The following C1orf21 variants were observed in gnomAD, a reference collection of about 807,000 sequenced individuals.
C1orf21 encodes uncharacterized protein C1orf21.
Under a neutral mutation model 18.7 loss-of-function variants are expected in C1orf21, and 3 were observed. The observed-to-expected ratio is 0.16, with a 90% CI of 0.07 to 0.42. The LOEUF is 0.42. Among genes scored for constraint, C1orf21 ranks in the 10% least tolerant of loss-of-function variants. The pLI is 0.99. For synonymous variants in C1orf21, 41 were observed against 46.4 expected, an observed-to-expected ratio of 0.88 and a Z score of 0.47; for missense variants, 104 against 143.6, an observed-to-expected ratio of 0.72 and a Z score of 1.41.
intron 3 of C1orf21, among the ~76,000 whole-genome samples, chr1:184,532,341 T>G (rs1272291048): frequency 6.6e-6 from 1 of 152,242 alleles, no homozygotes; most frequent in Non-Finnish European, 1.5e-5. Context: ...GCAAGTTTCC[T>G]GTCACTTGGA....
intron 3 of C1orf21, among the ~76,000 whole-genome samples, chr1:184,563,511 CT>C (rs1175465180): frequency 6.6e-6 from 1 of 152,122 alleles, no homozygotes; most frequent in Non-Finnish European, 1.5e-5. Flanking sequence ...ACAGCTCCCC[CT>C]AGCATACATA....
At chr1:184,585,125 A>G (rs1297870998) in intron 3 of C1orf21, among the ~76,000 whole-genome samples, 1 of 152,226 alleles carries the variant, frequency 6.6e-6, no homozygotes, top group African/African-American at 2.4e-5. Context: ...ATATAGCATA[A>G]TTAAATAATT....
chr1:184,593,073 A>G (rs1422515160), intron 4 of C1orf21, among the ~76,000 whole-genome samples: 2 of 152,188 alleles, frequency 1.3e-5, no homozygotes, highest in Admixed American at 1.3e-4. Flanking sequence ...CTTATCATCC[A>G]GGATGTCTGA....
intron 3 of C1orf21, among the ~76,000 whole-genome samples, chr1:184,513,485 T>C (rs1658181114): frequency 6.6e-6 from 1 of 152,210 alleles, no homozygotes; most frequent in Non-Finnish European, 1.5e-5. Context: ...TTGATAAGCG[T>C]ATGAAAATAC....
At chr1:184,563,569 A>C (rs894773160) in intron 3 of C1orf21, among the ~76,000 whole-genome samples, 2 of 152,256 alleles carry the variant, frequency 1.3e-5, no homozygotes, top group Admixed American at 1.3e-4. Context: ...ATCATTTTTT[A>C]CATGTCTAGT....
intron 1 of C1orf21, among the ~76,000 whole-genome samples, chr1:184,476,710 C>T (rs150929485): frequency 1.1e-4 from 16 of 152,284 alleles, no homozygotes; most frequent in African/African-American, 1.7e-4. Context: ...CATATTTTGA[C>T]GTCTTCTGCC....
At chr1:184,406,491 G>T (rs6696270) in intron 1 of C1orf21, among the ~76,000 whole-genome samples, 1 of 151,962 alleles carries the variant, frequency 6.6e-6, no homozygotes, top group African/African-American at 2.4e-5. Flanking sequence ...AAGTGGCATA[G>T]AGGATCATAA....
At chr1:184,553,596 G>T (rs1045746141) in intron 3 of C1orf21, among the ~76,000 whole-genome samples, 3 of 152,150 alleles carry the variant, frequency 2.0e-5, no homozygotes, top group Admixed American at 6.5e-5. Context: ...GGCTCCTTCT[G>T]GGCTATAGAC....
At chr1:184,532,986 A>G (rs532633205) in intron 3 of C1orf21, among the ~76,000 whole-genome samples, 1 of 152,238 alleles carries the variant, frequency 6.6e-6, no homozygotes, top group South Asian at 2.1e-4. Flanking sequence ...GCTTCTTACC[A>G]CCATCATGAG....
At chr1:184,388,421 C>A (rs1159091591) in intron 1 of C1orf21, among the ~76,000 whole-genome samples, 1 of 152,102 alleles carries the variant, frequency 6.6e-6, no homozygotes, top group Non-Finnish European at 1.5e-5. Flanking sequence ...TCTTCCATTG[C>A]CGGTGGGTTA....
chr1:184,445,410 A>G (rs1323317895), intron 1 of C1orf21, among the ~76,000 whole-genome samples: 4 of 144,602 alleles, frequency 2.8e-5, no homozygotes, highest in Non-Finnish European at 4.5e-5. Flanking sequence ...TCTTCTGTCT[A>G]TTAAACTTTC....
intron 1 of C1orf21, among the ~76,000 whole-genome samples, chr1:184,462,666 TATAAA>T (rs1341949965): frequency 2.0e-5 from 3 of 152,062 alleles, no homozygotes; most frequent in Admixed American, 2.0e-4. Context: ...TACAGGGAAA[TATAAA>T]ATAAATAAAA....
chr1:184,546,863 T>C (rs1234669133), intron 3 of C1orf21, among the ~76,000 whole-genome samples: 5 of 152,200 alleles, frequency 3.3e-5, no homozygotes, highest in African/African-American at 1.2e-4. Context: ...CTAAGGTGCA[T>C]GGCTTGGCCA....
At chr1:184,395,477 A>G (rs1656038145) in intron 1 of C1orf21, among the ~76,000 whole-genome samples, 1 of 152,144 alleles carries the variant, frequency 6.6e-6, no homozygotes, top group Admixed American at 6.5e-5. Flanking sequence ...TATTGAACAA[A>G]CATTGACTTT....
At chr1:184,464,122 C>A (rs1051327955) in intron 1 of C1orf21, among the ~76,000 whole-genome samples, 18 of 152,184 alleles carry the variant, frequency 1.2e-4, no homozygotes, top group African/African-American at 4.1e-4. Context: ...GCCTTGAATT[C>A]CATGAGAAGG....
intron 1 of C1orf21, among the ~76,000 whole-genome samples, chr1:184,410,218 GTGTC>G (rs1439578581): frequency 6.6e-6 from 1 of 152,146 alleles, no homozygotes; most frequent in East Asian, 1.9e-4. Flanking sequence ...AATTATATCT[GTGTC>G]TGGGTAGGTG....
chr1:184,427,064 T>A (rs1452721700), intron 1 of C1orf21, among the ~76,000 whole-genome samples: 1 of 152,148 alleles, frequency 6.6e-6, no homozygotes, highest in Admixed American at 6.5e-5. Flanking sequence ...TTGAGCTGAA[T>A]CCAGCTCTTA....
At chr1:184,478,122 A>T (rs1219220946) in intron 2 of C1orf21, among the ~76,000 whole-genome samples, 1 of 152,192 alleles carries the variant, frequency 6.6e-6, no homozygotes, top group African/African-American at 2.4e-5. Context: ...AAATTGGTGC[A>T]TGGGACAGTG....
intron 3 of C1orf21, chr1:184,566,927 C>T (rs1659042802): frequency 1.9e-6 from 1 of 520,386 alleles, no homozygotes; most frequent in African/African-American, 1.9e-5. Context: ...AATACCATCT[C>T]CTGTCATCAG....
Sources: gnomAD v4.1 joint callset for allele counts (sites outside exome capture counted in the v4.1 genomes callset) on GRCh38, gnomAD v4.1.1 for gene constraint, MANE v1.5 for transcripts, NCBI Gene and HGNC (gene_info 2026-07-23, HGNC 2026-07-21) for gene names.